PMP22: variants seen among roughly 807,000 people sequenced by gnomAD.
PMP22 encodes peripheral myelin protein 22.
A neutral mutation model predicts 18.9 loss-of-function variants in PMP22; 2 were observed. That is an observed-to-expected ratio of 0.11 (90% confidence interval 0.04 to 0.33). PMP22 has a LOEUF of 0.33. Ranked by LOEUF, PMP22 falls within the 10% of genes least tolerant of loss-of-function variation. The pLI, the probability that PMP22 is intolerant of heterozygous loss-of-function variation, is 1.00. For missense variants in PMP22, 169 were observed against 202.2 expected, an observed-to-expected ratio of 0.84 and a Z score of 1.00; for synonymous variants, 95 against 89.2, an observed-to-expected ratio of 1.07 and a Z score of -0.37.
intron 4 of PMP22, among the ~76,000 whole-genome samples, chr17:15,235,717 T>A (rs1453447368): frequency 1.3e-5 from 2 of 152,094 alleles, no homozygotes; most frequent in Non-Finnish European, 2.9e-5. Flanking sequence ...AATGAGAGTC[T>A]CCAGGGATGA....
At chr17:15,241,691 T>C (rs1907334742) in intron 3 of PMP22, among the ~76,000 whole-genome samples, 1 of 152,218 alleles carries the variant, frequency 6.6e-6, no homozygotes, top group Non-Finnish European at 1.5e-5. Flanking sequence ...TCTTGAAACA[T>C]CTTTCAACAT....
rs1555569372 is a variant in PMP22, at chr17:15,264,255, T to TATAG, written c.-35+895_-35+898dup. On this transcript the variant is annotated intron_variant, in intron 1 of 4. Coordinates refer to ENST00000312280, the MANE Select transcript of PMP22 (RefSeq NM_000304.4). ...GTAGATAGATAGATAGATAGATAGA[T>TATAG]ATAGATAGATAGATAAAGATTTATA... Among the ~76,000 whole-genome samples the TATAG allele has an allele frequency of 8.7e-5, 13 of 150,232 alleles. No individual in the cohort carries two copies. The East Asian group carries it at 2.2e-3, about 25-fold the overall frequency.
At chr17:15,251,716 G>C (rs1908369053) in intron 3 of PMP22, 1 of 151,998 alleles carries the variant, frequency 6.6e-6, no homozygotes, top group Non-Finnish European at 1.5e-5. Context: ...CAGTCAGAAG[G>C]CTTCATCCCA....
intron 2 of PMP22, 43 bp from the exon 3 acceptor site, chr17:15,259,236 A>T (rs1405659541): frequency 1.7e-5 from 25 of 1,472,310 alleles, no homozygotes; most frequent in Non-Finnish European, 2.3e-5. Context: ...GGAGGGAGGG[A>T]GGAGTGAAGG....
chr17:15,239,722 G>T, intron 3 of PMP22, 111 bp from the exon 4 acceptor site: 1 of 980,912 alleles, frequency 1.0e-6, no homozygotes, highest in Non-Finnish European at 1.6e-6. Context: ...GTCCTCACAG[G>T]CAGCAGAAGC....
chr17:15,248,560 C>G (rs1321424211), intron 3 of PMP22, among the ~76,000 whole-genome samples: 2 of 152,184 alleles, frequency 1.3e-5, no homozygotes, highest in African/African-American at 4.8e-5. Context: ...CACGCAGCCA[C>G]TGAGGTACCT....
rs1907551868 is a variant in PMP22 at position 15,243,768 on chromosome 17, CTTATA to C, written c.179-4162_179-4158del. The stretch of plus-strand genomic sequence containing the variant: ...TTATAGAAGTATATATGTTCAAGTG[CTTATA>C]TTATAATTATATAACATATAATTAT... On this transcript the variant is annotated intron_variant, in intron 3 of 4. Coordinates refer to ENST00000312280, the MANE Select transcript of PMP22 (RefSeq NM_000304.4). 2.0e-5 allele frequency among the ~76,000 whole-genome samples: 3 copies of C among 146,776 alleles called. 1 individual carries two copies. The highest frequency in any genetic ancestry group is 4.2e-4 in the South Asian group (2 of 4,724).
Position 15,258,995 on chromosome 17 carries a change from T to C in PMP22, c.178+99A>G. 1 of 889,766 alleles carries C rather than the reference T, an allele frequency of 1.1e-6. No homozygotes were observed. The highest frequency in any genetic ancestry group is 1.8e-6 in the Non-Finnish European group (1 of 541,224). The allele number at this position is 889,766 out of a possible 1,614,324, so 55.1% of individuals were successfully genotyped here. A position where few individuals can be genotyped will look rare whatever the true frequency, so the allele number is the denominator to read the frequency against. On this transcript the variant is annotated intron_variant, in intron 3 of 4. Transcript: ENST00000312280. The surrounding 1 kb of genome is among the most constrained non-coding windows in gnomAD (Gnocchi z 4.1). ...ATCCCACCCCACCCCAGCAACGACA[T>C]TCTGGCTTGTGTCTTCCAATAAGCG...
chr17:15,259,228 A>C, intron 2 of PMP22, 35 bp from the exon 3 acceptor site: 2 of 1,523,430 alleles, frequency 1.3e-6, no homozygotes, highest in Non-Finnish European at 1.8e-6. Context: ...TGAGTCAGGG[A>C]GGGAGGGAGG....
chr17:15,238,057 G>T (rs1906963755), intron 4 of PMP22, among the ~76,000 whole-genome samples: 2 of 151,448 alleles, frequency 1.3e-5, no homozygotes, highest in Non-Finnish European at 1.5e-5. Flanking sequence ...ACTGAAAATT[G>T]AGTAAGGGTA....
chr17:15,257,765 T>C (rs1908966980), intron 3 of PMP22, among the ~76,000 whole-genome samples: 1 of 152,240 alleles, frequency 6.6e-6, no homozygotes, highest in Non-Finnish European at 1.5e-5. Flanking sequence ...GATTAAGCAC[T>C]GTTCTCACTC....
intron 3 of PMP22, among the ~76,000 whole-genome samples, chr17:15,252,286 G>A (rs1908421564): frequency 6.6e-6 from 1 of 152,186 alleles, no homozygotes; most frequent in Admixed American, 6.5e-5. Flanking sequence ...AGACCACCAA[G>A]GGCTCAGGTT....
rs1907682064 is a variant in PMP22, at chr17:15,245,062, G to A, written c.179-5451C>T. ...ACAAGGGATTTTCCTTTCCTCCAGTGCCATTGATCAAAAGCTACACAAGGA... is the reference window on the plus strand; with the variant it reads ...ACAAGGGATTTTCCTTTCCTCCAGTACCATTGATCAAAAGCTACACAAGGA... On this transcript the variant is annotated intron_variant, in intron 3 of 4. Coordinates refer to ENST00000312280, the MANE Select transcript of PMP22 (RefSeq NM_000304.4). 2.6e-5 allele frequency among the ~76,000 whole-genome samples: 4 copies of A among 152,106 alleles called. No homozygotes were observed. The South Asian group carries it at 8.3e-4, about 31-fold the overall frequency.
chr17:15,255,300 G>A (rs1418520613), intron 3 of PMP22, among the ~76,000 whole-genome samples: 1 of 152,156 alleles, frequency 6.6e-6, no homozygotes, highest in Non-Finnish European at 1.5e-5. Context: ...AAGGCCGAAT[G>A]ACTATATTTC....
chr17:15,241,634 T>C (rs1463561306), intron 3 of PMP22, among the ~76,000 whole-genome samples: 6 of 152,178 alleles, frequency 3.9e-5, no homozygotes, highest in Non-Finnish European at 8.8e-5. Context: ...ATGTTAAATC[T>C]ATATAAACAG....
At position 15,258,954 on chromosome 17, in the gene PMP22, C is replaced by T; in HGVS notation, c.178+140G>A. 1.4e-6 allele frequency: 1 copy of T among 717,020 alleles called. No individual in the cohort carries two copies. Among genetic ancestry groups the T allele is most frequent in the Non-Finnish European group, 2.5e-6 (1 of 393,770 alleles). The allele number at this position is 717,020 out of a possible 1,614,324, so 44.4% of individuals were successfully genotyped here. ...CCACCCCTCCCATTTTCCCTGGACT[C>T]ATGGCTCCCTGTCACATCCCACCCC... On this transcript the variant is annotated intron_variant, in intron 3 of 4. Transcript: ENST00000312280. The surrounding 1 kb of genome is among the most constrained non-coding windows in gnomAD (Gnocchi z 4.1).
chr17:15,240,896 G>A (rs2150678943), intron 3 of PMP22, among the ~76,000 whole-genome samples: 1 of 152,288 alleles, frequency 6.6e-6, no homozygotes, highest in Admixed American at 6.5e-5. Context: ...AACTGAGTAA[G>A]ATAAACTTGT....
chr17:15,236,791 C>G (rs142766811), intron 4 of PMP22, among the ~76,000 whole-genome samples: 162 of 152,252 alleles, frequency 1.1e-3, no homozygotes, highest in African/African-American at 3.8e-3. Context: ...AAATAGAGTT[C>G]CTAACTCTTT....
intron 4 of PMP22, among the ~76,000 whole-genome samples, chr17:15,238,533 T>C (rs757718332): frequency 1.3e-5 from 2 of 152,220 alleles, no homozygotes; most frequent in African/African-American, 4.8e-5. Flanking sequence ...TTGTGATCTA[T>C]GAATTTGGAC....
Sources: gnomAD v4.1 joint callset for allele counts (sites outside exome capture counted in the v4.1 genomes callset) on GRCh38, gnomAD v4.1.1 for gene constraint, Gnocchi (gnomAD v3.1) non-coding constraint, MANE v1.5 for transcripts, NCBI Gene and HGNC (gene_info 2026-07-23, HGNC 2026-07-21) for gene names.